NBEAL1: variants seen among roughly 807,000 people sequenced by gnomAD.
The protein encoded by NBEAL1 is neurobeachin-like protein 1.
NBEAL1 carries 273 observed loss-of-function variants against 351.3 expected under a neutral mutation model. That is an observed-to-expected ratio of 0.78 (90% CI 0.70 to 0.86). NBEAL1 has a LOEUF of 0.86. NBEAL1 is among the 40% of genes least tolerant of loss of function. The pLI, the probability that NBEAL1 is intolerant of heterozygous loss-of-function variation, is 0.00. For synonymous variants in NBEAL1, 1,050 were observed against 1,086.4 expected, an observed-to-expected ratio of 0.97 and a Z score of 0.66; for missense variants, 2,961 against 3,201.3, an observed-to-expected ratio of 0.92 and a Z score of 1.81.
intron 43 of NBEAL1, chr2:203,182,008 C>T (rs539756667): frequency 6.6e-6 from 1 of 152,304 alleles, no homozygotes; most frequent in African/African-American, 2.4e-5. Flanking sequence ...TCTAGCTATA[C>T]ATTGCCTCTT....
At chr2:203,180,933 A>ATTTTTTTTTCTTTTTTTTTTTTTTTTT (rs2064695677) in intron 43 of NBEAL1, 1 of 61,698 alleles carries the variant, frequency 1.6e-5, no homozygotes, top group Admixed American at 3.0e-4. Flanking sequence ...CAGCCAGTCA[A>ATTTTTTTTTCTTTTTTTTTTTTTTTTT]TTTTTTTTTT....
At chr2:203,165,097 G>A (rs897740544) in intron 36 of NBEAL1, among the ~76,000 whole-genome samples, 2 of 152,098 alleles carry the variant, frequency 1.3e-5, no homozygotes, top group African/African-American at 4.8e-5. Context: ...CCGACCTCAG[G>A]TGATCCGTCC....
Position 203,125,351 on chromosome 2 carries a change from G to A in NBEAL1, c.2683-1G>A, listed in dbSNP as rs775021839. On this transcript the variant is annotated splice_acceptor_variant, in intron 19 of 55. Coordinates refer to ENST00000683969, the MANE Select transcript of NBEAL1 (RefSeq NM_001378026.1). LOFTEE classifies it high-confidence loss of function. ...TTTAAACATTATAATTTTCCCTTTA[G>A]GATATCATAAACTGCATAGGTGGGT... 5 of 1,490,966 alleles carry A rather than the reference G, an allele frequency of 3.4e-6. No homozygotes were observed. Among genetic ancestry groups the A allele is most frequent in the Non-Finnish European group, 4.5e-6 (5 of 1,121,836 alleles). The allele number at this position is 1,490,966 out of a possible 1,614,324, so 92.4% of individuals were successfully genotyped here.
rs2061020808 is a variant in NBEAL1 at position 203,035,123 on chromosome 2, T to C, written c.52-6642T>C. On this transcript the variant is annotated intron_variant, in intron 2 of 55. Transcript: ENST00000683969. ...AAATTGCATGGATGATTTAATTCCA[T>C]TATCCTCTCTAAAGCCTCCCAAAAG... 2.7e-5 allele frequency among the ~76,000 whole-genome samples: 4 copies of C among 149,268 alleles called. No homozygotes were observed. In the South Asian group the frequency reaches 8.4e-4, roughly 31 times the overall value.
intron 51 of NBEAL1, among the ~76,000 whole-genome samples, chr2:203,206,819 G>T (rs947924446): frequency 6.6e-6 from 1 of 151,312 alleles, no homozygotes; most frequent in African/African-American, 2.4e-5. Flanking sequence ...TGCCGAGATT[G>T]CAGCCTCTGC....
intron 7 of NBEAL1, among the ~76,000 whole-genome samples, chr2:203,070,188 A>G (rs1479106583): frequency 6.6e-6 from 1 of 151,852 alleles, no homozygotes. Flanking sequence ...TACTGAATGG[A>G]CATTGACTTT....
At position 203,169,689 on chromosome 2, in the gene NBEAL1, A is replaced by G. The variant is rs1029740540; in HGVS notation, c.5998-58A>G. 4.7e-6 allele frequency: 4 copies of G among 854,764 alleles called. No homozygotes were observed. In the Admixed American group the frequency reaches 6.9e-5, roughly 15 times the overall value. 52.9% of individuals were successfully genotyped at this position (854,764 alleles called of 1,614,324 possible). A position where few individuals can be genotyped will look rare whatever the true frequency, so the allele number is the denominator to read the frequency against. ...TCTCAATACAGCTATTGTGACTACC[A>G]TAATCTTCCAAGTTTGTCTTGATTC... On this transcript the variant is annotated intron_variant, in intron 38 of 55. Coordinates refer to ENST00000683969, the MANE Select transcript of NBEAL1 (RefSeq NM_001378026.1).
chr2:203,183,707 C>T (rs996295534), intron 44 of NBEAL1, among the ~76,000 whole-genome samples: 1 of 152,020 alleles, frequency 6.6e-6, no homozygotes, highest in African/African-American at 2.4e-5. Flanking sequence ...TTACAGTTTT[C>T]ACATTTATTT....
intron 31 of NBEAL1, among the ~76,000 whole-genome samples, chr2:203,143,453 A>G (rs999498656): frequency 2.8e-5 from 4 of 144,984 alleles, no homozygotes; most frequent in African/African-American, 8.7e-5. Flanking sequence ...AGTTAAGAAG[A>G]TTTTTTTGCT....
chr2:203,168,861 T>C (rs368024869), intron 38 of NBEAL1, among the ~76,000 whole-genome samples: 1 of 130,584 alleles, frequency 7.7e-6, no homozygotes, highest in Middle Eastern at 5.4e-3. Flanking sequence ...GCCAGTGCAC[T>C]CTAGCCTGGG....
In NBEAL1 at chr2:203,175,233, A is replaced by G. The variant is rs1327023444; in HGVS notation, c.6410A>G (p.Tyr2137Cys). 2.5e-6 allele frequency: 4 copies of G among 1,613,928 alleles called. No individual in the cohort carries two copies. Among genetic ancestry groups the G allele is most frequent in the East Asian group, 2.2e-5 (1 of 44,872 alleles). The change falls in exon 42 of 56, where the codon TAT becomes TGT. Residue 2137 changes from tyrosine (Y) to cysteine (C), a missense_variant. Transcript: ENST00000683969. ...HYSNSAGVMH[Y>C]LIRVEPFTTL... Reference sequence around the variant, plus strand: ...TCAAATTCTGCGGGGGTCATGCACTATCTCATTCGTGTAGAACCGTTCACC... The same window carrying G: ...TCAAATTCTGCGGGGGTCATGCACTGTCTCATTCGTGTAGAACCGTTCACC...
chr2:203,088,026 A>G (rs1461678757), intron 10 of NBEAL1, among the ~76,000 whole-genome samples: 1 of 152,226 alleles, frequency 6.6e-6, no homozygotes, highest in Non-Finnish European at 1.5e-5. Flanking sequence ...TCTCTGCCAA[A>G]AAAGGGGCAT....
At chr2:203,048,678 G>C (rs2061271503) in intron 3 of NBEAL1, among the ~76,000 whole-genome samples, 1 of 152,144 alleles carries the variant, frequency 6.6e-6, no homozygotes. Flanking sequence ...ACAGAGGTGA[G>C]ATTTAGTACC....
At chr2:203,171,241 A>G (rs1292765535) in intron 39 of NBEAL1, among the ~76,000 whole-genome samples, 2 of 152,130 alleles carry the variant, frequency 1.3e-5, no homozygotes, top group African/African-American at 4.8e-5. Context: ...CTGGGCAACA[A>G]GAGTGAAACT....
chr2:203,180,549 C>T (rs1319287488), intron 43 of NBEAL1, 37 bp downstream of exon 43: 1 of 1,566,080 alleles, frequency 6.4e-7, no homozygotes, highest in Non-Finnish European at 8.6e-7. Flanking sequence ...ACTAGCAGGT[C>T]CCAATGGAGG....
At chr2:203,128,704 T>C (rs2063003846) in intron 24 of NBEAL1, among the ~76,000 whole-genome samples, 1 of 151,768 alleles carries the variant, frequency 6.6e-6, no homozygotes, top group African/African-American at 2.4e-5. Flanking sequence ...TTCAAGTGAT[T>C]CTCCTGCCTC....
intron 2 of NBEAL1, among the ~76,000 whole-genome samples, chr2:203,031,961 G>A (rs1021926878): frequency 6.6e-6 from 1 of 152,162 alleles, no homozygotes; most frequent in Non-Finnish European, 1.5e-5. Context: ...AAAAGTGATA[G>A]TATGTCATTT....
intron 4 of NBEAL1, among the ~76,000 whole-genome samples, chr2:203,053,421 GTTTTC>G (rs1015694841): frequency 1.1e-4 from 16 of 152,156 alleles, no homozygotes; most frequent in African/African-American, 3.6e-4. Context: ...AAATTGAATT[GTTTTC>G]TTATTAAGTT....
In NBEAL1 at chr2:203,113,326, T is replaced by G; in HGVS notation, c.2506+8T>G. On this transcript the variant is annotated splice_region_variant and intron_variant, in intron 17 of 55. Transcript: ENST00000683969. ...AGGCATTATATTTAGCAGGTAAGCA[T>G]GTACAGTCATAATGCTTAAGCAAAT... The G allele has an allele frequency of 7.3e-7, 1 of 1,363,914 alleles. No homozygotes were observed. The highest frequency in any genetic ancestry group is 9.5e-7 in the Non-Finnish European group (1 of 1,053,710). The allele number at this position is 1,363,914 out of a possible 1,614,324, so 84.5% of individuals were successfully genotyped here.
Sources: allele counts gnomAD v4.1 joint callset (sites outside exome capture counted in the v4.1 genomes callset), GRCh38; gene constraint gnomAD v4.1.1; transcripts MANE v1.5; gene names NCBI Gene and HGNC (gene_info 2026-07-23, HGNC 2026-07-21).